The following NSD1 variants were observed in gnomAD, a reference collection of about 807,000 sequenced individuals.
NSD1 encodes nuclear receptor binding SET domain protein 1.
A neutral mutation model predicts 242.7 loss-of-function variants in NSD1; 26 were observed. The ratio of observed to expected loss-of-function variants is 0.11; its 90% CI spans 0.08 to 0.15. The LOEUF (loss-of-function observed/expected upper bound fraction) is 0.15, where lower values mean the gene tolerates loss of function less well. NSD1 is among the 10% of genes least tolerant of loss of function. The pLI is 1.00. For synonymous variants in NSD1, 1,106 were observed against 1,178.1 expected (o/e 0.94, Z 1.25); for missense variants, 2,495 against 3,272.8 (o/e 0.76, Z 5.80).
rs528829555 is a variant in NSD1 at position 177,241,301 on chromosome 5, A to G, written c.4302+1436A>G. On this transcript the variant is annotated intron_variant, in intron 8 of 22. Transcript: ENST00000439151. Reference sequence around the variant, plus strand: ...CACTTGCGGTCAGGAGTTGGAGACCAGCCTGGCCAACATGGTGAAACCCCG... The same window carrying G: ...CACTTGCGGTCAGGAGTTGGAGACCGGCCTGGCCAACATGGTGAAACCCCG... 1.6e-4 allele frequency among the ~76,000 whole-genome samples: 24 copies of G among 151,924 alleles called. No homozygotes were observed. The South Asian group carries it at 2.5e-3, about 16-fold the overall frequency.
intron 3 of NSD1, among the ~76,000 whole-genome samples, chr5:177,194,977 G>A (rs764916418): frequency 2.0e-5 from 3 of 151,876 alleles, no homozygotes; most frequent in Middle Eastern, 3.4e-3. Flanking sequence ...TGGCTGACAT[G>A]GTGAAACCCT....
At chr5:177,146,648 G>A (rs1252029935) in intron 2 of NSD1, among the ~76,000 whole-genome samples, 1 of 152,076 alleles carries the variant, frequency 6.6e-6, no homozygotes, top group East Asian at 1.9e-4. Context: ...TTCATTGTGT[G>A]TATATTAAGT....
At chr5:177,262,997 G>A (rs1379692319) in intron 14 of NSD1, among the ~76,000 whole-genome samples, 4 of 152,022 alleles carry the variant, frequency 2.6e-5, no homozygotes, top group Non-Finnish European at 5.9e-5. Flanking sequence ...TCAAAAGAAT[G>A]CAACCTTTTG....
intron 5 of NSD1, among the ~76,000 whole-genome samples, chr5:177,222,100 C>A (rs1201731693): frequency 6.6e-6 from 1 of 151,810 alleles, no homozygotes; most frequent in African/African-American, 2.4e-5. Context: ...CGTGAGCCAT[C>A]GCACCCGGCC....
At chr5:177,196,615 C>T (rs1024781644) in intron 3 of NSD1, among the ~76,000 whole-genome samples, 1 of 152,172 alleles carries the variant, frequency 6.6e-6, no homozygotes, top group African/African-American at 2.4e-5. Context: ...ACTGAGAGAA[C>T]ACCAGAGCAT....
Position 177,298,395 on chromosome 5 carries a change from T to C in NSD1, c.*2936T>C, listed in dbSNP as rs1304177117. 4.3e-6 allele frequency: 1 copy of C among 233,140 alleles called. No homozygotes were observed. Among genetic ancestry groups the C allele is most frequent in the East Asian group, 6.0e-5 (1 of 16,600 alleles). 14.4% of individuals were successfully genotyped at this position (233,140 alleles called of 1,614,324 possible). On this transcript the variant is annotated 3_prime_UTR_variant, in exon 23 of 23. Transcript: ENST00000439151. Reference sequence around the variant, plus strand: ...TCTCCATGGGTAGCTAGAAAGCCAATACATCTAGCCCTGCTAAGTCAGAAA... The same window carrying C: ...TCTCCATGGGTAGCTAGAAAGCCAACACATCTAGCCCTGCTAAGTCAGAAA...
intron 5 of NSD1, among the ~76,000 whole-genome samples, chr5:177,227,567 C>A (rs1292381952): frequency 6.6e-6 from 1 of 152,046 alleles, no homozygotes; most frequent in Non-Finnish European, 1.5e-5. Flanking sequence ...CTGCCTCAGC[C>A]TCCGGAGTAG....
rs529052394 is a variant in NSD1, at chr5:177,161,327, G to C, written c.927+25297G>C. On this transcript the variant is annotated intron_variant, in intron 2 of 22. Coordinates refer to ENST00000439151, the MANE Select transcript of NSD1 (RefSeq NM_022455.5). ...GCTCAGGAGTTCCAGGCTGCAGTGA[G>C]CTCTGATTATGCACTCCAGCCTGGG... is the stretch of plus-strand genomic sequence containing the variant. Among the ~76,000 whole-genome samples, 155 of 152,004 alleles carry C rather than the reference G, an allele frequency of 1.0e-3. 1 individual carries two copies. Among genetic ancestry groups the C allele is most frequent in the African/African-American group, 3.7e-3 (153 of 41,436 alleles).
chr5:177,298,469 TC>T lies in NSD1; in HGVS notation c.*3011del, dbSNP rs1481052190. ...TTACATTCAAAGCCTCATTTGCTTA[TC>T]TTGCTGGAGCCAACCCAGTCTAATA... On this transcript the variant is annotated 3_prime_UTR_variant, in exon 23 of 23. Coordinates refer to ENST00000439151, the MANE Select transcript of NSD1 (RefSeq NM_022455.5). 3 of 233,184 alleles carry T rather than the reference TC, an allele frequency of 1.3e-5. No individual in the cohort carries two copies. Among genetic ancestry groups the T allele is most frequent in the African/African-American group, 6.6e-5 (3 of 45,360 alleles). The allele number at this position is 233,184 out of a possible 1,614,324, so 14.4% of individuals were successfully genotyped here.
Position 177,248,330 on chromosome 5 carries a change from G to A in NSD1, c.4641+6G>A, listed in dbSNP as rs893900239. On this transcript the variant is annotated splice_donor_region_variant and intron_variant, in intron 11 of 22. Coordinates refer to ENST00000439151, the MANE Select transcript of NSD1 (RefSeq NM_022455.5). The stretch of plus-strand genomic sequence containing the variant: ...TCAAGGAGAATGTCTGTCAGGTAGA[G>A]AAATGTTTGCCCACTTGTGTTTTCA... The A allele has an allele frequency of 4.3e-6, 7 of 1,612,934 alleles. No homozygotes were observed. In the African/African-American group the frequency reaches 5.3e-5, roughly 12 times the overall value.
chr5:177,266,166 G>A (rs1357894657), intron 14 of NSD1: 8 of 1,072,304 alleles, frequency 7.5e-6, no homozygotes, highest in South Asian at 1.2e-5. Context: ...AGAGCACAGT[G>A]TTGAGCATGG....
In NSD1 at chr5:177,209,851, A is replaced by G. The variant is rs1237773288; in HGVS notation, c.1452A>G (p.Glu484=). 6.2e-7 allele frequency: 1 copy of G among 1,614,092 alleles called. No individual in the cohort carries two copies. Among genetic ancestry groups the G allele is most frequent in the Non-Finnish European group, 8.5e-7 (1 of 1,180,036 alleles). ...GCLKSLAFDS[E]HSADEKEKPC... ...TGAAATCACTGGCTTTTGATTCTGA[A>G]CATTCTGCAGATGAGAAGGAAAAGC... is the stretch of plus-strand genomic sequence containing the variant. The change falls in exon 5 of 23, where the codon GAA becomes GAG. Residue 484 remains glutamate (E), a synonymous_variant. Transcript: ENST00000439151.
intron 21 of NSD1, among the ~76,000 whole-genome samples, chr5:177,290,405 T>TA (rs1759724965): frequency 1.4e-5 from 2 of 143,628 alleles, no homozygotes; most frequent in South Asian, 2.4e-4. Context: ...AAAGAGTAAA[T>TA]AAATTTTTTT....
intron 5 of NSD1, among the ~76,000 whole-genome samples, chr5:177,218,209 G>A (rs956841837): frequency 6.6e-6 from 1 of 152,092 alleles, no homozygotes; most frequent in African/African-American, 2.4e-5. Context: ...CATGACACCT[G>A]ACTAATTTTG....
At chr5:177,237,032 G>A (rs188841251) in intron 6 of NSD1, among the ~76,000 whole-genome samples, 10 of 152,008 alleles carry the variant, frequency 6.6e-5, no homozygotes, top group African/African-American at 2.4e-4. Context: ...TTGTAGAGGC[G>A]GTGTCCCACT....
chr5:177,172,663 G>A (rs1269087075), intron 2 of NSD1, among the ~76,000 whole-genome samples: 1 of 152,116 alleles, frequency 6.6e-6, no homozygotes, highest in Non-Finnish European at 1.5e-5. Context: ...AAAATCCAAA[G>A]GAAAATATTT....
At chr5:177,227,562 T>C (rs1358253475) in intron 5 of NSD1, among the ~76,000 whole-genome samples, 1 of 152,074 alleles carries the variant, frequency 6.6e-6, no homozygotes, top group African/African-American at 2.4e-5. Context: ...TTCTCCTGCC[T>C]CAGCCTCCGG....
intron 21 of NSD1, among the ~76,000 whole-genome samples, chr5:177,290,198 A>G (rs1243081745): frequency 6.9e-6 from 1 of 145,642 alleles, no homozygotes; most frequent in Non-Finnish European, 1.5e-5. Flanking sequence ...TATATAATGG[A>G]TGGACATACT....
At chr5:177,220,596 G>T in intron 5 of NSD1, among the ~76,000 whole-genome samples, 2 of 127,732 alleles carry the variant, frequency 1.6e-5, no homozygotes, top group Non-Finnish European at 1.6e-5. Context: ...TTGAAACAGA[G>T]GCTTGCTCTG....
Sources: gnomAD v4.1 joint callset for allele counts (sites outside exome capture counted in the v4.1 genomes callset) on GRCh38, gnomAD v4.1.1 for gene constraint, MANE v1.5 for transcripts, NCBI Gene and HGNC (gene_info 2026-07-23, HGNC 2026-07-21) for gene names.